The following PPP6R1 variants were observed in gnomAD, a reference collection of about 807,000 sequenced individuals.
PPP6R1 encodes protein phosphatase 6 regulatory subunit 1, also known as serine/threonine-protein phosphatase 6 regulatory subunit 1.
In PPP6R1, 39 loss-of-function variants were observed where a neutral mutation model predicts 104.6. That is an observed-to-expected ratio of 0.37 (90% CI 0.29 to 0.49). PPP6R1 has a LOEUF of 0.49. PPP6R1 is among the 20% of genes least tolerant of loss of function. The pLI is 0.98. For missense variants in PPP6R1, 1,181 were observed against 1,155.8 expected, an observed-to-expected ratio of 1.02 and a Z score of -0.32; for synonymous variants, 549 against 479.0, an observed-to-expected ratio of 1.15 and a Z score of -1.91.
rs751421810 is a variant in PPP6R1 at position 55,245,165 on chromosome 19, G to A, written c.573C>T (p.Ile191=). The change falls in exon 5 of 24, where the codon ATC becomes ATT. Residue 191 remains isoleucine (I), a synonymous_variant. Coordinates refer to ENST00000412770, the MANE Select transcript of PPP6R1 (RefSeq NM_014931.4). This position sits in a 1 kb window ranked among gnomAD's most constrained non-coding sequence, Gnocchi z 6.4. ...DVVNWLNEEK[I]VQRLIEQIHP... ...GGATCTGCTCAATCAGCCGCTGGAC[G>A]ATCTTCTCCTCGTTGAGCCACTGAG... 7.4e-6 allele frequency: 12 copies of A among 1,613,172 alleles called. No individual in the cohort carries two copies. Among genetic ancestry groups the A allele is most frequent in the East Asian group, 4.5e-5 (2 of 44,884 alleles).
intron 15 of PPP6R1, 136 bp downstream of exon 15, chr19:55,239,269 C>T (rs1447914564): frequency 1.4e-5 from 12 of 828,750 alleles, no homozygotes; most frequent in African/African-American, 8.4e-5. Context: ...CCACGGCCAA[C>T]GCGTGCCCAG....
downstream of PPP6R1, chr19:55,228,805 G>T: frequency 6.4e-7 from 1 of 1,550,396 alleles, no homozygotes; most frequent in South Asian, 1.1e-5. Context: ...GTGGAGGGGA[G>T]GGCTCATGGT....
intron 15 of PPP6R1, chr19:55,239,075 G>A (rs1485288867): frequency 5.6e-6 from 2 of 357,220 alleles, no homozygotes; most frequent in Non-Finnish European, 1.1e-5. Context: ...CCACTACCCT[G>A]AGCCCCTCCC....
intron 1 of PPP6R1, among the ~76,000 whole-genome samples, chr19:55,250,979 C>A (rs79195669): frequency 0.041 from 6,181 of 152,308 alleles, 338 homozygotes; most frequent in African/African-American, 0.12. Flanking sequence ...CCTGGCCAAG[C>A]TGGCCTTCTG....
At position 55,241,903 on chromosome 19, in the gene PPP6R1, T is replaced by G. The variant is rs1050198868; in HGVS notation, c.845+263A>C. 6.6e-6 allele frequency among the ~76,000 whole-genome samples: 1 copy of G among 152,014 alleles called. No homozygotes were observed. The highest frequency in any genetic ancestry group is 1.9e-4 in the East Asian group (1 of 5,168). The stretch of plus-strand genomic sequence containing the variant: ...CCCAACAGGCTAGCGGCCTGTGTGG[T>G]AAGGCAGGGGCACGGGGGCCTGGGG... On this transcript the variant is annotated intron_variant, in intron 7 of 23. Coordinates refer to ENST00000412770, the MANE Select transcript of PPP6R1 (RefSeq NM_014931.4). The surrounding 1 kb of genome is among the most constrained non-coding windows in gnomAD (Gnocchi z 5.4).
Position 55,231,698 on chromosome 19 carries a change from G to A in PPP6R1, c.2307-30C>T, listed in dbSNP as rs1360623090. Reference sequence around the variant, plus strand: ...TAGGCGAGAGAGGCAGCCCAAGGGGGCAGCTAGGGTTAGCACTCGAGCCTA... The same window carrying A: ...TAGGCGAGAGAGGCAGCCCAAGGGGACAGCTAGGGTTAGCACTCGAGCCTA... On this transcript the variant is annotated intron_variant, in intron 19 of 23. Coordinates refer to ENST00000412770, the MANE Select transcript of PPP6R1 (RefSeq NM_014931.4). 12 of 1,569,302 alleles carry A rather than the reference G, an allele frequency of 7.6e-6. No homozygotes were observed. The Middle Eastern group carries it at 5.1e-4, about 67-fold the overall frequency.
chr19:55,242,057 G>T, intron 7 of PPP6R1, 109 bp downstream of exon 7: 1 of 1,025,650 alleles, frequency 9.7e-7, no homozygotes, highest in Non-Finnish European at 1.5e-6. Flanking sequence ...CACAGAGCAA[G>T]GTGCCACGGG....
At chr19:55,228,490 G>C (rs764967178), downstream of PPP6R1, 2 of 1,598,900 alleles carry the variant, frequency 1.3e-6, no homozygotes, top group South Asian at 1.1e-5. Flanking sequence ...CCCCATTCTT[G>C]GGACTCAGAT....
chr19:55,241,384 G>T lies in PPP6R1; in HGVS notation c.1016C>A (p.Pro339Gln). 2 of 1,607,828 alleles carry T rather than the reference G, an allele frequency of 1.2e-6. No individual in the cohort carries two copies. Among genetic ancestry groups the T allele is most frequent in the South Asian group, 1.1e-5 (1 of 90,622 alleles). The change falls in exon 9 of 24, where the codon CCG becomes CAG. Residue 339 changes from proline (P) to glutamine (Q), a missense_variant. Pro to Gln is a moderately conservative substitution (Grantham distance 76, BLOSUM62 -1). Around this residue, in one of 2 missense-constraint regions of PPP6R1, gnomAD observed 1,042 missense variants for 955.6 expected, o/e 1.09. Transcript: ENST00000412770. This position sits in a 1 kb window ranked among gnomAD's most constrained non-coding sequence, Gnocchi z 5.4. ...CAGCATGCCCCATGTCATCTGTAGC[G>T]GCTCCAGCTGCAGACACAGGGAGGC... Reference protein sequence around the residue: ...QLLLEPPKLEPLQMTWGMLAP... With the variant: ...QLLLEPPKLEQLQMTWGMLAP...
chr19:55,242,399 G>A lies in PPP6R1; in HGVS notation c.708C>T (p.Asp236=), dbSNP rs374006494. 1 of 1,613,904 alleles carries A rather than the reference G, an allele frequency of 6.2e-7. No individual in the cohort carries two copies. Among genetic ancestry groups the A allele is most frequent in the Non-Finnish European group, 8.5e-7 (1 of 1,179,778 alleles). ...ACTTCTCCAGGGTGGCCAGCAGTTG[G>A]TCAGGCTCTGGGCTGTCCTGGACTT... is the stretch of plus-strand genomic sequence containing the variant. ...MIQVQDSPEP[D]QLLATLEKQE... The change falls in exon 6 of 24, where the codon GAC becomes GAT. Residue 236 remains aspartate, a synonymous_variant. Transcript: ENST00000412770.
chr19:55,240,283 G>A lies in PPP6R1; in HGVS notation c.1314C>T (p.Arg438=), dbSNP rs905134037. The A allele has an allele frequency of 8.2e-6, 13 of 1,593,344 alleles. No homozygotes were observed. The highest frequency in any genetic ancestry group is 1.1e-5 in the Non-Finnish European group (13 of 1,170,816). The change falls in exon 11 of 24, where the codon CGC becomes CGT. Residue 438 remains arginine, a synonymous_variant. Transcript: ENST00000412770. ...AGGACGTCAGGATCCGCTCCACCAG[G>A]CGGCACTGCTGCAGCAGCTGCGGGA... ...PVVKHLLQQC[R]LVERILTSWE... is the part of the protein sequence containing the mutation.
rs747736217 is a variant in PPP6R1, at chr19:55,230,897, G to A, written c.2460-13C>T. ...GTCTCTGGTTGCACTGTGGGTGAGA[G>A]GCAGGTGCGGCTGTCAGCGTGGCCC... On this transcript the variant is annotated splice_polypyrimidine_tract_variant and intron_variant, in intron 21 of 23. Coordinates refer to ENST00000412770, the MANE Select transcript of PPP6R1 (RefSeq NM_014931.4). The A allele has an allele frequency of 3.2e-6, 5 of 1,583,590 alleles. No homozygotes were observed. In the Admixed American group the frequency reaches 5.0e-5, roughly 16 times the overall value.
At chr19:55,249,341 A>G (rs2087535446) in intron 1 of PPP6R1, among the ~76,000 whole-genome samples, 1 of 152,298 alleles carries the variant, frequency 6.6e-6, no homozygotes, top group East Asian at 1.9e-4. Flanking sequence ...TCCCGGGTTC[A>G]GGCGATTCTT....
rs1340283105 is a variant in PPP6R1, at chr19:55,245,588, G to A, written c.318C>T (p.Leu106=). 6.2e-6 allele frequency: 10 copies of A among 1,612,996 alleles called. No individual in the cohort carries two copies. The highest frequency in any genetic ancestry group is 1.1e-5 in the South Asian group (1 of 90,960). The part of the protein sequence containing the change: ...LGADESLLNR[L]YGFLQSTGSL... ...TGCCGGTGCTCTGCAGGAAGCCGTA[G>A]AGCCGGTTCAGAAGGGACTCATCAG... is the stretch of plus-strand genomic sequence containing the variant. Residue 106 remains leucine (L), a synonymous_variant, in exon 3 of 24, where the codon CTC becomes CTT. Transcript: ENST00000412770. This position sits in a 1 kb window ranked among gnomAD's most constrained non-coding sequence, Gnocchi z 6.4.
At chr19:55,232,040 C>T (rs760490198) in intron 18 of PPP6R1, 35 bp downstream of exon 18, 3 of 1,611,448 alleles carry the variant, frequency 1.9e-6, no homozygotes, top group East Asian at 4.5e-5. Context: ...GCAGACAGCC[C>T]TGTGTACACC....
chr19:55,255,572 G>C (rs2087586511), intron 1 of PPP6R1: 1 of 152,312 alleles, frequency 6.6e-6, no homozygotes, highest in Non-Finnish European at 1.5e-5. Context: ...GAAAACCACG[G>C]TTTGGCATGG....
chr19:55,230,223 T>A lies in PPP6R1; in HGVS notation c.*305A>T, dbSNP rs2087327039. Reference sequence around the variant, plus strand: ...CGCCAGCCCAGTTCGGTGTCCTCACTCTCTCTCGCTCTCCTCCCTCTCTCT... The same window carrying A: ...CGCCAGCCCAGTTCGGTGTCCTCACACTCTCTCGCTCTCCTCCCTCTCTCT... On this transcript the variant is annotated 3_prime_UTR_variant, in exon 24 of 24. Coordinates refer to ENST00000412770, the MANE Select transcript of PPP6R1 (RefSeq NM_014931.4). 2.5e-6 allele frequency: 1 copy of A among 400,626 alleles called. No individual in the cohort carries two copies. The highest frequency in any genetic ancestry group is 4.5e-6 in the Non-Finnish European group (1 of 221,104). The allele number at this position is 400,626 out of a possible 1,614,324, so 24.8% of individuals were successfully genotyped here. A position where few individuals can be genotyped will look rare whatever the true frequency, so the allele number is the denominator to read the frequency against.
chr19:55,246,924 C>A lies in PPP6R1; in HGVS notation c.180G>T (p.Trp60Cys), dbSNP rs2087513911. 5.0e-6 allele frequency: 8 copies of A among 1,613,314 alleles called. No individual in the cohort carries two copies. Among genetic ancestry groups the A allele is most frequent in the African/African-American group, 1.3e-5 (1 of 74,928 alleles). Reference protein sequence around the residue: ...QPPHLQAMVAWVTQEPPDSGE... With the variant: ...QPPHLQAMVACVTQEPPDSGE... ...CGCTATCTGGCGGCTCCTGGGTGAC[C>A]CAGGCCACCATTGCTTGCAGGTGGG... is the stretch of plus-strand genomic sequence containing the variant. The change falls in exon 2 of 24, where the codon TGG (tryptophan) becomes TGT (cysteine). Residue 60 changes from tryptophan (W) to cysteine (C), a missense_variant. Physicochemically the swap from Trp to Cys is radical, Grantham distance 215. Around this residue, in one of 2 missense-constraint regions of PPP6R1, gnomAD observed 139 missense variants for 200.1 expected, o/e 0.69. Coordinates refer to ENST00000412770, the MANE Select transcript of PPP6R1 (RefSeq NM_014931.4).
Position 55,244,297 on chromosome 19 carries a change from C to T in PPP6R1, c.618+823G>A, listed in dbSNP as rs545251485. On this transcript the variant is annotated intron_variant, in intron 5 of 23. Coordinates refer to ENST00000412770, the MANE Select transcript of PPP6R1 (RefSeq NM_014931.4). ...TCCCAGTGGCCTCGGATATCTGAGGCTCTTGACAAACACCCACTCTACACT... is the reference window on the plus strand; with the variant it reads ...TCCCAGTGGCCTCGGATATCTGAGGTTCTTGACAAACACCCACTCTACACT... Among the ~76,000 whole-genome samples the T allele has an allele frequency of 2.0e-5, 3 of 152,314 alleles. No homozygotes were observed. In the South Asian group the frequency reaches 6.2e-4, roughly 32 times the overall value.
Sources: allele counts gnomAD v4.1 joint callset (sites outside exome capture counted in the v4.1 genomes callset), GRCh38; gene constraint gnomAD v4.1.1; regional missense constraint gnomAD v4.1.1; non-coding constraint Gnocchi (gnomAD v3.1); transcripts MANE v1.5; gene names NCBI Gene and HGNC (gene_info 2026-07-23, HGNC 2026-07-21).